PDLIM5: variants seen among roughly 807,000 people sequenced by gnomAD.
PDLIM5 encodes the protein PDZ and LIM domain 5.
In PDLIM5, 34 loss-of-function variants were observed where a neutral mutation model predicts 64.2. The observed-to-expected ratio is 0.53, with a 90% CI of 0.40 to 0.71. The LOEUF is 0.71. Ranked by LOEUF, PDLIM5 falls within the 30% of genes least tolerant of loss-of-function variation. The pLI, the probability that PDLIM5 is intolerant of heterozygous loss-of-function variation, is 0.00. For synonymous variants in PDLIM5, 253 were observed against 269.1 expected (o/e 0.94, Z 0.59); for missense variants, 683 against 733.6 (o/e 0.93, Z 0.80).
chr4:94,486,868 T>A (rs1166590582), intron 2 of PDLIM5, among the ~76,000 whole-genome samples: 2 of 152,112 alleles, frequency 1.3e-5, no homozygotes, highest in East Asian at 3.9e-4. Flanking sequence ...CCAGGTGTGG[T>A]GACTTATGCC....
chr4:94,572,968 A>G (rs573231136), intron 3 of PDLIM5, among the ~76,000 whole-genome samples: 1 of 152,322 alleles, frequency 6.6e-6, no homozygotes, highest in South Asian at 2.1e-4. Flanking sequence ...GATAGGAGTC[A>G]GATTAGGTGG....
chr4:94,527,046 CTTTTTTT>C (rs57625095), intron 3 of PDLIM5, among the ~76,000 whole-genome samples: 10 of 57,804 alleles, frequency 1.7e-4, no homozygotes, highest in Admixed American at 4.3e-4. Flanking sequence ...GAACAGCATT[CTTTTTTT>C]TTTTTTTTTT....
chr4:94,501,689 AGTT>A (rs1285631668), intron 2 of PDLIM5, among the ~76,000 whole-genome samples: 2 of 152,184 alleles, frequency 1.3e-5, no homozygotes, highest in Non-Finnish European at 2.9e-5. Context: ...CAATCCTCAC[AGTT>A]TGAGAAGCTG....
At position 94,665,073 on chromosome 4, in the gene PDLIM5, A is replaced by G. The variant is rs14082; in HGVS notation, c.*1006A>G. 0.58 allele frequency: 557,639 copies of G among 959,560 alleles called. 163,522 individuals are homozygous for G. The highest frequency in any genetic ancestry group is 0.59 in the Admixed American group (9,653 of 16,230). 59.4% of individuals were successfully genotyped at this position (959,560 alleles called of 1,614,324 possible). ...CTTTTACTAAAATGTGATTGTTTCTATTCATTGTGTATGCTTCATCACCTA... is the reference window on the plus strand; with the variant it reads ...CTTTTACTAAAATGTGATTGTTTCTGTTCATTGTGTATGCTTCATCACCTA... On this transcript the variant is annotated 3_prime_UTR_variant, in exon 13 of 13. Coordinates refer to ENST00000317968, the MANE Select transcript of PDLIM5 (RefSeq NM_006457.5).
In PDLIM5 at chr4:94,664,116, A is replaced by G; in HGVS notation, c.*49A>G. 7.0e-7 allele frequency: 1 copy of G among 1,433,978 alleles called. No individual in the cohort carries two copies. Among genetic ancestry groups the G allele is most frequent in the Non-Finnish European group, 9.4e-7 (1 of 1,064,942 alleles). The allele number at this position is 1,433,978 out of a possible 1,614,324, so 88.8% of individuals were successfully genotyped here. On this transcript the variant is annotated 3_prime_UTR_variant, in exon 13 of 13. Coordinates refer to ENST00000317968, the MANE Select transcript of PDLIM5 (RefSeq NM_006457.5). ...AAGGAATTTGAAGAGAAAAAGGAAA[A>G]TTAAAATTACTAATTAATTTTTAGA... is the stretch of plus-strand genomic sequence containing the variant.
At chr4:94,544,179 C>T (rs1732103720) in intron 3 of PDLIM5, among the ~76,000 whole-genome samples, 1 of 152,118 alleles carries the variant, frequency 6.6e-6, no homozygotes, top group Non-Finnish European at 1.5e-5. Context: ...TGTGTCCTCT[C>T]CTCTTTTGTT....
At chr4:94,567,860 G>T (rs1378820499) in intron 3 of PDLIM5, among the ~76,000 whole-genome samples, 1 of 152,108 alleles carries the variant, frequency 6.6e-6, no homozygotes, top group Non-Finnish European at 1.5e-5. Flanking sequence ...CAGTATCAGT[G>T]CTGTGTGGTA....
chr4:94,459,296 C>T (rs529495584), intron 2 of PDLIM5, among the ~76,000 whole-genome samples: 2 of 152,228 alleles, frequency 1.3e-5, no homozygotes, highest in African/African-American at 4.8e-5. Context: ...GATGATATCC[C>T]AATTCTCTGT....
At chr4:94,508,593 T>C (rs187257005) in intron 2 of PDLIM5, among the ~76,000 whole-genome samples, 157 of 152,298 alleles carry the variant, frequency 1.0e-3, no homozygotes, top group African/African-American at 3.7e-3. Flanking sequence ...GAAAATGCAC[T>C]GATAGGAGGA....
chr4:94,622,723 TA>T (rs1318579891), intron 8 of PDLIM5, among the ~76,000 whole-genome samples: 2 of 150,458 alleles, frequency 1.3e-5, no homozygotes, highest in African/African-American at 4.9e-5. Flanking sequence ...CAGGCTGGAG[TA>T]CAGTGGCACA....
chr4:94,519,930 T>C (rs1481346705), intron 2 of PDLIM5, among the ~76,000 whole-genome samples: 1 of 152,138 alleles, frequency 6.6e-6, no homozygotes, highest in East Asian at 1.9e-4. Flanking sequence ...TCATCCATGA[T>C]TACAGATAAA....
chr4:94,476,813 T>C (rs1725365454), intron 2 of PDLIM5, among the ~76,000 whole-genome samples: 1 of 152,190 alleles, frequency 6.6e-6, no homozygotes, highest in Non-Finnish European at 1.5e-5. Context: ...ACTTTCTTGC[T>C]GTGTAACCTA....
chr4:94,482,518 A>G (rs1725960556), intron 2 of PDLIM5, among the ~76,000 whole-genome samples: 6 of 152,208 alleles, frequency 3.9e-5, no homozygotes, highest in Admixed American at 3.9e-4. Flanking sequence ...ATGAATGTCT[A>G]ATAATGAGTT....
At chr4:94,577,372 G>A in intron 5 of PDLIM5, 2 of 456,566 alleles carry the variant, frequency 4.4e-6, no homozygotes, top group South Asian at 3.1e-5. Context: ...AAAACTCCAG[G>A]CTGCTGCTGA....
At chr4:94,500,370 A>G (rs1727804038) in intron 2 of PDLIM5, among the ~76,000 whole-genome samples, 1 of 152,232 alleles carries the variant, frequency 6.6e-6, no homozygotes, top group African/African-American at 2.4e-5. Flanking sequence ...CTTCATTTTC[A>G]GCCAAAGGGA....
At chr4:94,516,540 GT>G (rs1218143381) in intron 2 of PDLIM5, among the ~76,000 whole-genome samples, 4 of 151,352 alleles carry the variant, frequency 2.6e-5, no homozygotes, top group Non-Finnish European at 5.9e-5. Flanking sequence ...CTCTTTTTTA[GT>G]TGGTATGAGG....
chr4:94,633,631 C>G (rs1283683629), intron 8 of PDLIM5, among the ~76,000 whole-genome samples: 2 of 152,040 alleles, frequency 1.3e-5, no homozygotes, highest in Non-Finnish European at 2.9e-5. Context: ...CATTTTTTCT[C>G]TGAATAAGGA....
At chr4:94,609,688 C>A (rs1406354678) in intron 7 of PDLIM5, among the ~76,000 whole-genome samples, 1 of 152,132 alleles carries the variant, frequency 6.6e-6, no homozygotes, top group Non-Finnish European at 1.5e-5. Context: ...GCCTGCTTCT[C>A]CTGAAAACAT....
At chr4:94,495,244 G>A (rs1434057953) in intron 2 of PDLIM5, among the ~76,000 whole-genome samples, 1 of 151,970 alleles carries the variant, frequency 6.6e-6, no homozygotes, top group Non-Finnish European at 1.5e-5. Context: ...CTCTTACTAG[G>A]ATTATACTAA....
Sources: gnomAD v4.1 joint callset for allele counts (sites outside exome capture counted in the v4.1 genomes callset) on GRCh38, gnomAD v4.1.1 for gene constraint, MANE v1.5 for transcripts, NCBI Gene and HGNC (gene_info 2026-07-23, HGNC 2026-07-21) for gene names.